NOS2: variants seen among roughly 807,000 people sequenced by gnomAD.
NOS2 encodes nitric oxide synthase 2.
A neutral mutation model predicts 136.0 loss-of-function variants in NOS2; 96 were observed. That is an observed-to-expected ratio of 0.71 (90% CI 0.60 to 0.84). The LOEUF (loss-of-function observed/expected upper bound fraction) is 0.84, where lower values mean the gene tolerates loss of function less well. NOS2 is among the 40% of genes least tolerant of loss of function. The probability of loss-of-function intolerance (pLI) is 0.00; values close to 1 mark genes in which losing one functional copy is unlikely to be tolerated. For synonymous variants in NOS2, 539 were observed against 587.5 expected (o/e 0.92, Z 1.20); for missense variants, 1,237 against 1,496.9 (o/e 0.83, Z 2.87).
chr17:27,778,385 T>C (rs1908728518), intron 11 of NOS2, among the ~76,000 whole-genome samples: 1 of 152,098 alleles, frequency 6.6e-6, no homozygotes, highest in Admixed American at 6.5e-5. Flanking sequence ...ATTTCTTTCT[T>C]TGAAATGGGG....
Position 27,757,163 on chromosome 17 carries a change from C to G in NOS2, c.*83G>C. 1 of 1,093,622 alleles carries G rather than the reference C, an allele frequency of 9.1e-7. No individual in the cohort carries two copies. Among genetic ancestry groups the G allele is most frequent in the Non-Finnish European group, 1.4e-6 (1 of 739,186 alleles). 67.7% of individuals were successfully genotyped at this position (1,093,622 alleles called of 1,614,324 possible). A position where few individuals can be genotyped will look rare whatever the true frequency, so the allele number is the denominator to read the frequency against. On this transcript the variant is annotated 3_prime_UTR_variant, in exon 27 of 27. Coordinates refer to ENST00000313735, the MANE Select transcript of NOS2 (RefSeq NM_000625.4). The stretch of plus-strand genomic sequence containing the variant: ...GGGGATATCACTTTCCTCCATCTCC[C>G]CAGGCCCTGTGACCTCAGATAATGC...
At chr17:27,792,426 T>C (rs536041752) in intron 2 of NOS2, among the ~76,000 whole-genome samples, 3 of 152,300 alleles carry the variant, frequency 2.0e-5, no homozygotes, top group Admixed American at 6.5e-5. Flanking sequence ...ATGAATTCCT[T>C]TCATAATTGG....
chr17:27,785,813 G>A (rs571945569), intron 5 of NOS2, among the ~76,000 whole-genome samples: 1 of 151,912 alleles, frequency 6.6e-6, no homozygotes, highest in East Asian at 1.9e-4. Context: ...TAAAAAATTA[G>A]CTAAGCATAG....
At chr17:27,794,364 G>T (rs867329940) in intron 2 of NOS2, among the ~76,000 whole-genome samples, 70 of 152,308 alleles carry the variant, frequency 4.6e-4, no homozygotes, top group Middle Eastern at 3.4e-3. Flanking sequence ...CCCTTCCGGT[G>T]CCTTGCAGGC....
rs757008023 is a variant in NOS2, at chr17:27,781,126, C to G, written c.774G>C (p.Arg258=). 36 of 1,612,872 alleles carry G rather than the reference C, an allele frequency of 2.2e-5. No homozygotes were observed. In the Admixed American group the frequency reaches 5.5e-4, roughly 25 times the overall value. The change falls in exon 8 of 27, where the codon CGG becomes CGC. Residue 258 remains arginine, a synonymous_variant. Coordinates refer to ENST00000313735, the MANE Select transcript of NOS2 (RefSeq NM_000625.4). ...AGCGGATGAGCTGAGCATTCCACAC[C>G]CGGAAGTCGTGCTTGCCATCACTCC... The part of the protein sequence containing the change: ...PQRSDGKHDF[R]VWNAQLIRYA...
In NOS2 at chr17:27,781,170, T is replaced by C; in HGVS notation, c.730A>G (p.Ile244Val). 6.2e-7 allele frequency: 1 copy of C among 1,606,950 alleles called. No homozygotes were observed. The highest frequency in any genetic ancestry group is 8.5e-7 in the Non-Finnish European group (1 of 1,179,792). The stretch of plus-strand genomic sequence containing the variant: ...TCACTCCGCTGGGGGAACACGGTGA[T>C]GGCCGACCTTCCCAGGACAGGAACA... ...STNNGNIRSA[I>V]TVFPQRSDGK... Residue 244 changes from isoleucine to valine, a missense_variant, in exon 8 of 27, where the codon ATC (isoleucine) becomes GTC (valine). Transcript: ENST00000313735.
At position 27,764,042 on chromosome 17, in the gene NOS2, T is replaced by C; in HGVS notation, c.2531A>G (p.Gln844Arg). The C allele has an allele frequency of 6.2e-7, 1 of 1,613,750 alleles. No individual in the cohort carries two copies. The highest frequency in any genetic ancestry group is 8.5e-7 in the Non-Finnish European group (1 of 1,179,800). The change falls in exon 21 of 27, where the codon CAA becomes CGA. Residue 844 changes from glutamine to arginine, a missense_variant. By Grantham distance (43) the Gln-to-Arg change is conservative. Around this residue, in one of 3 missense-constraint regions of NOS2, gnomAD observed 782 missense variants for 909.9 expected, o/e 0.86. Transcript: ENST00000313735. ...TTCTGTGGCCACCTGGGCCAGCTTTTGGAGCAGCAGCTGGGTTGGGGGTGT... is the reference window on the plus strand; with the variant it reads ...TTCTGTGGCCACCTGGGCCAGCTTTCGGAGCAGCAGCTGGGTTGGGGGTGT... Reference protein sequence around the residue: ...ITTPPTQLLLQKLAQVATEEP... With the variant: ...ITTPPTQLLLRKLAQVATEEP...
chr17:27,760,167 C>A lies in NOS2; in HGVS notation c.3022G>T (p.Gly1008Cys). 6.4e-7 allele frequency: 1 copy of A among 1,574,526 alleles called. No homozygotes were observed. The highest frequency in any genetic ancestry group is 1.7e-4 in the Middle Eastern group (1 of 5,780). The change falls in exon 25 of 27, where the codon GGC becomes TGC. Residue 1008 changes from glycine (G) to cysteine (C), a missense_variant. Gly to Cys is a radical substitution (Grantham distance 159). Around this residue, in one of 3 missense-constraint regions of NOS2, gnomAD observed 782 missense variants for 909.9 expected, o/e 0.86. Coordinates refer to ENST00000313735, the MANE Select transcript of NOS2 (RefSeq NM_000625.4). The stretch of plus-strand genomic sequence containing the variant: ...CACCCAAACACCAAGGTCATGCGGC[C>A]TCCCCGCACTCCTGCAGGAGTCCCG... ...HDSQHKGVRG[G>C]RMTLVFGCRR...
rs199786506 is a variant in NOS2, at chr17:27,774,243, G to A, written c.1476+14C>T. The A allele has an allele frequency of 3.5e-6, 5 of 1,443,600 alleles. No individual in the cohort carries two copies. The Admixed American group carries it at 1.1e-4, about 30-fold the overall frequency. 89.4% of individuals were successfully genotyped at this position (1,443,600 alleles called of 1,614,324 possible). ...CTGAGCCCCCAGGAAGGAGAGAAGAGGAAGGCCCCTAACCTGATAGTAGTA... is the reference window on the plus strand; with the variant it reads ...CTGAGCCCCCAGGAAGGAGAGAAGAAGAAGGCCCCTAACCTGATAGTAGTA... On this transcript the variant is annotated intron_variant, in intron 12 of 26. Coordinates refer to ENST00000313735, the MANE Select transcript of NOS2 (RefSeq NM_000625.4).
At chr17:27,794,974 A>G (rs1448786855) in intron 2 of NOS2, among the ~76,000 whole-genome samples, 1 of 141,142 alleles carries the variant, frequency 7.1e-6, no homozygotes. Flanking sequence ...GGGTGGACCC[A>G]CCTCCTCCCC....
rs1431696655 is a variant in NOS2, at chr17:27,766,496, G to A, written c.2246+14C>T. On this transcript the variant is annotated intron_variant, in intron 19 of 26. Transcript: ENST00000313735. ...GACAGAGTATCACCCACGAAGCCCT[G>A]CACTTTCCCTTACCTGGATGTCGGA... 1.2e-6 allele frequency: 2 copies of A among 1,606,672 alleles called. No individual in the cohort carries two copies. Among genetic ancestry groups the A allele is most frequent in the South Asian group, 2.2e-5 (2 of 90,972 alleles).
rs1269906072 is a variant in NOS2, at chr17:27,757,225, T to A, written c.*21A>T. Reference sequence around the variant, plus strand: ...CATCCTTAAGTTCTGTGCCGGCAGCTTTAACCCCTCCTGTAGGCCCTCAGA... The same window carrying A: ...CATCCTTAAGTTCTGTGCCGGCAGCATTAACCCCTCCTGTAGGCCCTCAGA... On this transcript the variant is annotated 3_prime_UTR_variant, in exon 27 of 27. Coordinates refer to ENST00000313735, the MANE Select transcript of NOS2 (RefSeq NM_000625.4). 1.9e-5 allele frequency: 31 copies of A among 1,605,464 alleles called. No individual in the cohort carries two copies. Among genetic ancestry groups the A allele is most frequent in the Non-Finnish European group, 2.6e-5 (31 of 1,173,124 alleles).
chr17:27,787,265 C>T (rs1909048529), intron 5 of NOS2, among the ~76,000 whole-genome samples: 1 of 152,164 alleles, frequency 6.6e-6, no homozygotes, highest in African/African-American at 2.4e-5. Context: ...TATTAATTCA[C>T]AATCAAGGTC....
chr17:27,772,980 A>G (rs1908544295), intron 13 of NOS2, among the ~76,000 whole-genome samples, 181 bp downstream of exon 13: 1 of 152,166 alleles, frequency 6.6e-6, no homozygotes, highest in African/African-American at 2.4e-5. Context: ...GGCTGCAGTG[A>G]GCTGTGATGG....
chr17:27,782,987 T>C lies in NOS2; in HGVS notation c.587A>G (p.Asn196Ser). 1.2e-6 allele frequency: 2 copies of C among 1,614,188 alleles called. No homozygotes were observed. The highest frequency in any genetic ancestry group is 2.2e-5 in the East Asian group (1 of 44,876). The change falls in exon 6 of 27, where the codon AAT becomes AGT. Residue 196 changes from asparagine (N) to serine (S), a missense_variant. This residue lies in a region of NOS2 where 440 missense variants were observed against 545.4 expected (regional missense o/e 0.81). Coordinates refer to ENST00000313735, the MANE Select transcript of NOS2 (RefSeq NM_000625.4). Reference sequence around the variant, plus strand: ...GATCCTCCCAATGCAGCGTGGGGCATTGCGCCAGGCCTGCTTGGTGGCGAA... The same window carrying C: ...GATCCTCCCAATGCAGCGTGGGGCACTGCGCCAGGCCTGCTTGGTGGCGAA... ...LIFATKQAWR[N>S]APRCIGRIQW... is the part of the protein sequence containing the mutation.
rs1313246226 is a variant in NOS2 at position 27,787,694 on chromosome 17, A to T, written c.451T>A (p.Tyr151Asn). Residue 151 changes from tyrosine (Y) to asparagine (N), a missense_variant, in exon 5 of 27, where the codon TAC (tyrosine) becomes AAC (asparagine). Around this residue, in one of 3 missense-constraint regions of NOS2, gnomAD observed 440 missense variants for 545.4 expected, o/e 0.81. Transcript: ENST00000313735. ...AAGCCTTACTCTTTGAAGGAGCCGT[A>T]ATATTGGTTGACAAATTCGATAGCT... is the stretch of plus-strand genomic sequence containing the variant. ...PQAIEFVNQY[Y>N]GSFKEAKIEE... 1.9e-6 allele frequency: 3 copies of T among 1,613,124 alleles called. No homozygotes were observed. Among genetic ancestry groups the T allele is most frequent in the Non-Finnish European group, 2.5e-6 (3 of 1,179,618 alleles).
chr17:27,781,699 T>C (rs895115631), intron 7 of NOS2, among the ~76,000 whole-genome samples: 2 of 152,236 alleles, frequency 1.3e-5, no homozygotes, highest in African/African-American at 2.4e-5. Context: ...AACCTCTTAA[T>C]GTCCCATGCC....
At chr17:27,771,329 TTG>T (rs1908487782) in intron 14 of NOS2, among the ~76,000 whole-genome samples, 1 of 152,218 alleles carries the variant, frequency 6.6e-6, no homozygotes, top group South Asian at 2.1e-4. Context: ...ATTTGCAATT[TTG>T]TGTGTGTGGA....
chr17:27,782,206 C>T (rs1320328162), intron 6 of NOS2, 100 bp from the exon 7 acceptor site: 1 of 978,028 alleles, frequency 1.0e-6, no homozygotes. Context: ...AGCCGAAACA[C>T]TCAACACACA....
Sources: allele counts gnomAD v4.1 joint callset (sites outside exome capture counted in the v4.1 genomes callset), GRCh38; gene constraint gnomAD v4.1.1; regional missense constraint gnomAD v4.1.1; transcripts MANE v1.5; gene names NCBI Gene and HGNC (gene_info 2026-07-23, HGNC 2026-07-21).